RPS6KA5: variants seen among roughly 807,000 people sequenced by gnomAD.
RPS6KA5 encodes the protein ribosomal protein S6 kinase A5.
In RPS6KA5, 27 loss-of-function variants were observed where a neutral mutation model predicts 85.5. The ratio of observed to expected loss-of-function variants is 0.32; its 90% CI spans 0.23 to 0.44. RPS6KA5 has a LOEUF of 0.44. Ranked by LOEUF, RPS6KA5 falls within the 20% of genes least tolerant of loss-of-function variation. RPS6KA5 has a pLI of 1.00. For missense variants in RPS6KA5, 811 were observed against 980.9 expected (o/e 0.83, Z 2.31); for synonymous variants, 334 against 348.2 (o/e 0.96, Z 0.46).
Position 90,899,378 on chromosome 14 carries a change from C to T in RPS6KA5, c.1424G>A (p.Cys475Tyr), listed in dbSNP as rs1443623106. The change falls in exon 12 of 17, where the codon TGT (cysteine) becomes TAT (tyrosine). Residue 475 changes from cysteine (C) to tyrosine (Y), a missense_variant. This residue lies in a region of RPS6KA5 where 650 missense variants were observed against 793.4 expected (regional missense o/e 0.82). Transcript: ENST00000614987. Reference protein sequence around the residue: ...TQKEITALKLCEGHPNIVKLH... With the variant: ...TQKEITALKLYEGHPNIVKLH... ...CTTCACAATATTGGGGTGTCCTTCACAGAGTTTCAGAGCTGTTATTTCCTT... is the reference window on the plus strand; with the variant it reads ...CTTCACAATATTGGGGTGTCCTTCATAGAGTTTCAGAGCTGTTATTTCCTT... The T allele has an allele frequency of 6.2e-7, 1 of 1,613,050 alleles. No individual in the cohort carries two copies. The highest frequency in any genetic ancestry group is 1.1e-5 in the South Asian group (1 of 91,010).
Position 90,865,802 on chromosome 14 carries a change from T to C in RPS6KA5, c.*6272A>G, listed in dbSNP as rs888729965. On this transcript the variant is annotated 3_prime_UTR_variant, in exon 17 of 17. Transcript: ENST00000614987. ...ACTTTATGAAGCTTATAAGTTCCTTTATGTACACAGTAGACAAAGCCTTTT... is the reference window on the plus strand; with the variant it reads ...ACTTTATGAAGCTTATAAGTTCCTTCATGTACACAGTAGACAAAGCCTTTT... The C allele has an allele frequency of 6.6e-6, 1 of 152,110 alleles. No individual in the cohort carries two copies. The highest frequency in any genetic ancestry group is 2.4e-5 in the African/African-American group (1 of 41,384). 9.4% of individuals were successfully genotyped at this position (152,110 alleles called of 1,614,324 possible).
At chr14:90,933,696 C>G (rs1248420900) in intron 5 of RPS6KA5, among the ~76,000 whole-genome samples, 1 of 152,176 alleles carries the variant, frequency 6.6e-6, no homozygotes, top group Non-Finnish European at 1.5e-5. Context: ...CCCAGTGGCT[C>G]CCCATTTTGT....
intron 7 of RPS6KA5, among the ~76,000 whole-genome samples, chr14:90,914,693 G>A (rs779354740): frequency 6.6e-6 from 1 of 152,114 alleles, no homozygotes; most frequent in African/African-American, 2.4e-5. Flanking sequence ...AACAAAGTAT[G>A]ATTCACCCCA....
chr14:91,017,372 C>A (rs2041549305), intron 1 of RPS6KA5, among the ~76,000 whole-genome samples: 1 of 152,206 alleles, frequency 6.6e-6, no homozygotes, highest in African/African-American at 2.4e-5. Context: ...TACAAAAAGC[C>A]TTATTCACTG....
intron 14 of RPS6KA5, among the ~76,000 whole-genome samples, chr14:90,887,431 C>T (rs981344815): frequency 6.6e-6 from 1 of 151,990 alleles, no homozygotes; most frequent in African/African-American, 2.4e-5. Flanking sequence ...CTTAAACAAT[C>T]TTCCTACCTT....
intron 7 of RPS6KA5, among the ~76,000 whole-genome samples, chr14:90,906,936 T>G (rs1451329794): frequency 1.3e-5 from 2 of 152,148 alleles, no homozygotes; most frequent in African/African-American, 4.8e-5. Context: ...AGACAAGCCC[T>G]ATGAGGCAGG....
At position 90,863,124 on chromosome 14, in the gene RPS6KA5, G is replaced by T. The variant is rs1450724625; in HGVS notation, c.*8950C>A. 6.6e-6 allele frequency: 1 copy of T among 151,450 alleles called. No homozygotes were observed. Among genetic ancestry groups the T allele is most frequent in the Non-Finnish European group, 1.5e-5 (1 of 67,856 alleles). The allele number at this position is 151,450 out of a possible 1,614,324, so 9.4% of individuals were successfully genotyped here. A position where few individuals can be genotyped will look rare whatever the true frequency, so the allele number is the denominator to read the frequency against. On this transcript the variant is annotated 3_prime_UTR_variant, in exon 17 of 17. Transcript: ENST00000614987. ...TCGAGGCCAGTCTGGCCAATATGGT[G>T]AAACCCCATCTCTACTAATAATACA...
At chr14:90,880,479 T>G (rs1479611110) in intron 14 of RPS6KA5, among the ~76,000 whole-genome samples, 5 of 152,240 alleles carry the variant, frequency 3.3e-5, no homozygotes, top group African/African-American at 1.2e-4. Context: ...CTGAATAATA[T>G]TCCAGTGTAT....
intron 3 of RPS6KA5, among the ~76,000 whole-genome samples, chr14:90,966,091 G>T (rs1019039608): frequency 6.6e-5 from 10 of 152,188 alleles, no homozygotes; most frequent in African/African-American, 2.4e-4. Context: ...TAAAGTTGTA[G>T]AAAGTGATGG....
intron 2 of RPS6KA5, among the ~76,000 whole-genome samples, chr14:90,978,929 T>C (rs1459233486): frequency 6.6e-6 from 1 of 152,158 alleles, no homozygotes; most frequent in Non-Finnish European, 1.5e-5. Flanking sequence ...AAGGCAGTTC[T>C]TAATAAGAAT....
At chr14:90,966,428 T>C (rs1566803573) in intron 3 of RPS6KA5, among the ~76,000 whole-genome samples, 1 of 152,106 alleles carries the variant, frequency 6.6e-6, no homozygotes, top group Non-Finnish European at 1.5e-5. Context: ...CCCTTTCTGT[T>C]AGTAGAGGAA....
chr14:91,057,211 GACAT>G (rs1420669564), intron 1 of RPS6KA5, among the ~76,000 whole-genome samples: 7 of 151,912 alleles, frequency 4.6e-5, no homozygotes, highest in African/African-American at 1.7e-4. Flanking sequence ...CATTTTCTTA[GACAT>G]ACATTCAAGA....
intron 3 of RPS6KA5, among the ~76,000 whole-genome samples, chr14:90,971,209 C>T (rs555452676): frequency 3.3e-5 from 5 of 151,928 alleles, no homozygotes; most frequent in Non-Finnish European, 4.4e-5. Flanking sequence ...CCCAGCTACT[C>T]GGGAGGCTGA....
At chr14:90,993,048 G>A (rs559409674) in intron 2 of RPS6KA5, among the ~76,000 whole-genome samples, 34 of 152,018 alleles carry the variant, frequency 2.2e-4, no homozygotes, top group African/African-American at 7.7e-4. Flanking sequence ...TTTGCATCTC[G>A]GAAAATTCTC....
chr14:91,006,459 T>C (rs1364002686), intron 1 of RPS6KA5, among the ~76,000 whole-genome samples: 2 of 152,162 alleles, frequency 1.3e-5, no homozygotes. Context: ...GGTGAAACTC[T>C]CATGATGGAT....
intron 7 of RPS6KA5, among the ~76,000 whole-genome samples, chr14:90,918,766 A>G (rs1323295617): frequency 6.6e-6 from 1 of 152,202 alleles, no homozygotes; most frequent in Admixed American, 6.5e-5. Flanking sequence ...CATTTATTCA[A>G]AACTATCTTT....
intron 1 of RPS6KA5, among the ~76,000 whole-genome samples, chr14:91,058,004 T>C (rs1442923064): frequency 6.6e-6 from 1 of 152,216 alleles, no homozygotes; most frequent in Non-Finnish European, 1.5e-5. Context: ...TAAAGTGTTC[T>C]GCACAAATGA....
intron 2 of RPS6KA5, among the ~76,000 whole-genome samples, chr14:90,979,623 G>A (rs118123703): frequency 6.6e-6 from 1 of 152,222 alleles, no homozygotes; most frequent in African/African-American, 2.4e-5. Context: ...TCAGTACTCT[G>A]GGAACTGGAT....
chr14:90,925,776 T>TA lies in RPS6KA5; in HGVS notation c.619-2581dup, dbSNP rs539281208. 3.9e-3 allele frequency among the ~76,000 whole-genome samples: 528 copies of TA among 133,964 alleles called. 1 individual carries two copies. The highest frequency in any genetic ancestry group is 0.013 in the East Asian group (64 of 4,748). 87.9% of individuals were successfully genotyped at this position (133,964 alleles called of 152,430 possible). A position where few individuals can be genotyped will look rare whatever the true frequency, so the allele number is the denominator to read the frequency against. On this transcript the variant is annotated intron_variant, in intron 5 of 16. Coordinates refer to ENST00000614987, the MANE Select transcript of RPS6KA5 (RefSeq NM_004755.4). The stretch of plus-strand genomic sequence containing the variant: ...TGAAACCCTGTCTCTACAAAAAAAT[T>TA]AAAAAAAAAAAAAACCTAGCAGGGC...
Sources: allele counts gnomAD v4.1 joint callset (sites outside exome capture counted in the v4.1 genomes callset), GRCh38; gene constraint gnomAD v4.1.1; regional missense constraint gnomAD v4.1.1; transcripts MANE v1.5; gene names NCBI Gene and HGNC (gene_info 2026-07-23, HGNC 2026-07-21).